The following KLF7 variants were observed in gnomAD, a reference collection of about 807,000 sequenced individuals.
KLF7 encodes Krueppel-like factor 7.
In KLF7, 2 loss-of-function variants were observed where a neutral mutation model predicts 27.3. The ratio of observed to expected loss-of-function variants is 0.07; its 90% CI spans 0.03 to 0.23. KLF7 has a LOEUF of 0.23. Ranked by LOEUF, KLF7 falls within the 10% of genes least tolerant of loss-of-function variation. The pLI is 1.00. For missense variants in KLF7, 221 were observed against 394.1 expected (o/e 0.56, Z 3.72); for synonymous variants, 165 against 162.4 (o/e 1.02, Z -0.12).
intron 1 of KLF7, among the ~76,000 whole-genome samples, chr2:207,141,219 T>C (rs191364043): frequency 1.7e-3 from 266 of 152,330 alleles, no homozygotes; most frequent in South Asian, 3.3e-3. Context: ...CCTACTCTGA[T>C]CCCTCTGCTT....
intron 1 of KLF7, among the ~76,000 whole-genome samples, chr2:207,131,505 G>A (rs1445796333): frequency 2.6e-5 from 4 of 152,170 alleles, no homozygotes; most frequent in African/African-American, 4.8e-5. Context: ...ACTGTTAGGA[G>A]GGAAATGTGT....
chr2:207,134,160 T>C (rs941882615), intron 1 of KLF7: 1 of 1,475,310 alleles, frequency 6.8e-7, no homozygotes, highest in African/African-American at 1.4e-5. Context: ...TGGGATTTTT[T>C]TTTTTTTTTT....
rs1357903956 is a variant in KLF7, at chr2:207,075,017, AAGTACCCACTTG to A, written c.*6184_*6195del. ...GAAAGAAAACTTTCACGAAGTATGT[AAGTACCCACTTG>A]CGTCTTTCGAAGATTTTTTTCCCCA... is the stretch of plus-strand genomic sequence containing the variant. On this transcript the variant is annotated 3_prime_UTR_variant, in exon 4 of 4. Transcript: ENST00000309446. The A allele has an allele frequency of 1.3e-5, 2 of 152,300 alleles. No individual in the cohort carries two copies. Among genetic ancestry groups the A allele is most frequent in the Non-Finnish European group, 2.9e-5 (2 of 68,024 alleles). 9.4% of individuals were successfully genotyped at this position (152,300 alleles called of 1,614,324 possible).
At chr2:207,166,668 G>T, upstream of KLF7, 1 of 393,588 alleles carries the variant, frequency 2.5e-6, no homozygotes, top group Non-Finnish European at 3.5e-6. Flanking sequence ...AGGGCGCGGA[G>T]CGGGAAGGAA....
chr2:207,116,983 A>T (rs1460537969), intron 2 of KLF7, among the ~76,000 whole-genome samples: 2 of 152,224 alleles, frequency 1.3e-5, no homozygotes, highest in African/African-American at 4.8e-5. Context: ...TCGGCAATAA[A>T]GAGGGACTAG....
At position 207,165,814 on chromosome 2, in the gene KLF7, G is replaced by T; in HGVS notation, c.-246C>A. 1 of 1,349,998 alleles carries T rather than the reference G, an allele frequency of 7.4e-7. No homozygotes were observed. Among genetic ancestry groups the T allele is most frequent in the Non-Finnish European group, 9.5e-7 (1 of 1,049,130 alleles). The allele number at this position is 1,349,998 out of a possible 1,614,324, so 83.6% of individuals were successfully genotyped here. A position where few individuals can be genotyped will look rare whatever the true frequency, so the allele number is the denominator to read the frequency against. On this transcript the variant is annotated 5_prime_UTR_variant, in exon 1 of 4. Coordinates refer to ENST00000309446, the MANE Select transcript of KLF7 (RefSeq NM_003709.4). Reference sequence around the variant, plus strand: ...GGCATCCAGCGTGTACAGTGCAGACGACTGCCAGGAAAAGGGGACTTCTCC... The same window carrying T: ...GGCATCCAGCGTGTACAGTGCAGACTACTGCCAGGAAAAGGGGACTTCTCC...
intron 2 of KLF7, among the ~76,000 whole-genome samples, chr2:207,104,335 CT>C (rs1406451244): frequency 6.6e-6 from 1 of 152,058 alleles, no homozygotes; most frequent in Non-Finnish European, 1.5e-5. Flanking sequence ...TAGCAGAAAA[CT>C]AAGTGTAGGG....
At chr2:207,128,425 C>G (rs543269568) in intron 1 of KLF7, among the ~76,000 whole-genome samples, 1 of 152,206 alleles carries the variant, frequency 6.6e-6, no homozygotes, top group South Asian at 2.1e-4. Context: ...CATAGGCAAA[C>G]AGCAAAGTAA....
chr2:207,167,007 C>G, upstream of KLF7: 1 of 855,410 alleles, frequency 1.2e-6, no homozygotes, highest in Non-Finnish European at 1.5e-6. Flanking sequence ...GTCGGGAGTC[C>G]GGCGGCTAGA....
chr2:207,116,570 G>A (rs1226565013), intron 2 of KLF7, among the ~76,000 whole-genome samples: 1 of 152,046 alleles, frequency 6.6e-6, no homozygotes, highest in East Asian at 1.9e-4. Context: ...AGCTTTCCTT[G>A]AACCTTCCTA....
intron 2 of KLF7, among the ~76,000 whole-genome samples, chr2:207,102,960 GCT>G (rs1559122471): frequency 6.6e-6 from 1 of 152,088 alleles, no homozygotes; most frequent in East Asian, 1.9e-4. Flanking sequence ...ACAGAGTCTC[GCT>G]CTGTCACCCA....
intron 1 of KLF7, among the ~76,000 whole-genome samples, chr2:207,159,161 G>A (rs111612301): frequency 6.6e-5 from 10 of 152,154 alleles, no homozygotes; most frequent in Admixed American, 1.3e-4. Context: ...AATAGATATC[G>A]CATATGGCTC....
At chr2:207,088,286 G>C (rs2076436337) in intron 3 of KLF7, among the ~76,000 whole-genome samples, 172 bp downstream of exon 3, 1 of 152,158 alleles carries the variant, frequency 6.6e-6, no homozygotes, top group Admixed American at 6.5e-5. Flanking sequence ...TTGATTTCAT[G>C]CAAGAGGGCA....
In KLF7 at chr2:207,078,082, A is replaced by C. The variant is rs141613116; in HGVS notation, c.*3131T>G. On this transcript the variant is annotated 3_prime_UTR_variant, in exon 4 of 4. Transcript: ENST00000309446. ...CTCGCTCTAGCGGCTCTTAGTAACC[A>C]TCTCTGCCACTGCAGAGGTGATGGA... 4 of 152,274 alleles carry C rather than the reference A, an allele frequency of 2.6e-5. No homozygotes were observed. The highest frequency in any genetic ancestry group is 4.4e-5 in the Non-Finnish European group (3 of 68,058). The allele number at this position is 152,274 out of a possible 1,614,324, so 9.4% of individuals were successfully genotyped here. A position where few individuals can be genotyped will look rare whatever the true frequency, so the allele number is the denominator to read the frequency against.
At chr2:207,166,980 C>A, upstream of KLF7, 2 of 793,698 alleles carry the variant, frequency 2.5e-6, no homozygotes, top group Middle Eastern at 4.9e-4. Context: ...TCCTTCTGAC[C>A]CCGAGCGAGA....
chr2:207,163,338 G>C (rs1370103687), intron 1 of KLF7, among the ~76,000 whole-genome samples: 1 of 152,146 alleles, frequency 6.6e-6, no homozygotes, highest in South Asian at 2.1e-4. Context: ...AAAATGAGGG[G>C]GTTCCGAGGG....
rs535720671 is a variant in KLF7, at chr2:207,122,128, A to G, written c.733+1646T>C. On this transcript the variant is annotated intron_variant, in intron 2 of 3. Coordinates refer to ENST00000309446, the MANE Select transcript of KLF7 (RefSeq NM_003709.4). ...TAGAAAGAAAGAAGTATCAATAAAAACTACCTTCAGAACAATATCAAAGAA... is the reference window on the plus strand; with the variant it reads ...TAGAAAGAAAGAAGTATCAATAAAAGCTACCTTCAGAACAATATCAAAGAA... 2.0e-5 allele frequency: 3 copies of G among 152,348 alleles called. No homozygotes were observed. The East Asian group carries it at 5.8e-4, about 29-fold the overall frequency. 9.4% of individuals were successfully genotyped at this position (152,348 alleles called of 1,614,324 possible). A position where few individuals can be genotyped will look rare whatever the true frequency, so the allele number is the denominator to read the frequency against.
intron 1 of KLF7, among the ~76,000 whole-genome samples, chr2:207,162,185 T>A (rs1293517713): frequency 6.6e-6 from 1 of 152,232 alleles, no homozygotes; most frequent in Non-Finnish European, 1.5e-5. Flanking sequence ...AAAAAGATTA[T>A]GATTTCTATT....
At chr2:207,098,002 T>C (rs2076671684) in intron 2 of KLF7, among the ~76,000 whole-genome samples, 1 of 152,192 alleles carries the variant, frequency 6.6e-6, no homozygotes, top group Non-Finnish European at 1.5e-5. Context: ...TTCAAAAGAC[T>C]GTAAACTCAC....
Sources: allele counts gnomAD v4.1 joint callset (sites outside exome capture counted in the v4.1 genomes callset), GRCh38; gene constraint gnomAD v4.1.1; transcripts MANE v1.5; gene names NCBI Gene and HGNC (gene_info 2026-07-23, HGNC 2026-07-21).